The following GDNF variants were observed in gnomAD, a reference collection of about 807,000 sequenced individuals.
The protein encoded by GDNF is glial cell derived neurotrophic factor, also known as glial cell line-derived neurotrophic factor.
GDNF carries 5 observed loss-of-function variants against 13.7 expected under a neutral mutation model. The observed-to-expected ratio is 0.36, with a 90% CI of 0.19 to 0.77. The LOEUF is 0.77. Ranked by LOEUF, GDNF falls within the 30% of genes least tolerant of loss-of-function variation. The pLI is 0.51. For missense variants in GDNF, 246 were observed against 274.3 expected (o/e 0.90, Z 0.73); for synonymous variants, 122 against 112.5 (o/e 1.08, Z -0.53).
intron 2 of GDNF, chr5:37,823,172 C>T (rs1311498634): frequency 6.6e-6 from 1 of 152,194 alleles, no homozygotes; most frequent in Non-Finnish European, 1.5e-5. Context: ...TCAGAGAAGA[C>T]AAATATTTGG....
intron 2 of GDNF, chr5:37,824,071 C>G: frequency 3.1e-6 from 3 of 981,504 alleles, no homozygotes; most frequent in Non-Finnish European, 3.6e-6. Context: ...CTTAAATCAT[C>G]AAGTCATCTT....
chr5:37,828,664 C>T (rs1750416039), intron 2 of GDNF, among the ~76,000 whole-genome samples: 1 of 152,088 alleles, frequency 6.6e-6, no homozygotes, highest in Non-Finnish European at 1.5e-5. Context: ...GGTTTGTGAC[C>T]CGGAACAACT....
Position 37,815,680 on chromosome 5 carries a change from G to A in GDNF, c.607C>T (p.His203Tyr). 1 of 1,613,598 alleles carries A rather than the reference G, an allele frequency of 6.2e-7. No homozygotes were observed. Among genetic ancestry groups the A allele is most frequent in the Non-Finnish European group, 8.5e-7 (1 of 1,179,516 alleles). ...ATACATCCACACCTTTTAGCGGAATGCTTTCTTAGAATATGGTAAACCAGG... is the reference window on the plus strand; with the variant it reads ...ATACATCCACACCTTTTAGCGGAATACTTTCTTAGAATATGGTAAACCAGG... Reference protein sequence around the residue: ...DNLVYHILRKHSAKRCGCI With the variant: ...DNLVYHILRKYSAKRCGCI The change falls in exon 3 of 3, where the codon CAT (histidine) becomes TAT (tyrosine). Residue 203 changes from histidine to tyrosine, a missense_variant. By Grantham distance (83) the His-to-Tyr change is moderately conservative. Coordinates refer to ENST00000326524, the MANE Select transcript of GDNF (RefSeq NM_000514.4). This position sits in a 1 kb window ranked among gnomAD's most constrained non-coding sequence, Gnocchi z 5.0.
chr5:37,834,495 C>G, intron 2 of GDNF, 151 bp downstream of exon 2: 1 of 687,236 alleles, frequency 1.5e-6, no homozygotes, highest in Non-Finnish European at 2.3e-6. Context: ...AGCCAGGCAC[C>G]CCTGGGGGCT....
chr5:37,827,318 T>A (rs1022941799), intron 2 of GDNF, among the ~76,000 whole-genome samples: 1 of 152,222 alleles, frequency 6.6e-6, no homozygotes, highest in South Asian at 2.1e-4. Context: ...TTCCTGAGAC[T>A]GATAACTGAA....
intron 2 of GDNF, among the ~76,000 whole-genome samples, chr5:37,825,075 T>C (rs1205222629): frequency 6.6e-6 from 1 of 152,216 alleles, no homozygotes; most frequent in Non-Finnish European, 1.5e-5. Context: ...AAAGCCACTT[T>C]GCCCATCAAA....
chr5:37,815,503 T>TCCC lies in GDNF; in HGVS notation c.*147_*148insGGG. 1 of 731,920 alleles carries TCCC rather than the reference T, an allele frequency of 1.4e-6. No individual in the cohort carries two copies. 45.3% of individuals were successfully genotyped at this position (731,920 alleles called of 1,614,324 possible). ...ATGGCTGCCTTCCTCCTCCTCCTCC[T>TCCC]CCTCCTCCTCCTCCTCCTCTTCTTC... On this transcript the variant is annotated 3_prime_UTR_variant, in exon 3 of 3. Coordinates refer to ENST00000326524, the MANE Select transcript of GDNF (RefSeq NM_000514.4). This position sits in a 1 kb window ranked among gnomAD's most constrained non-coding sequence, Gnocchi z 5.0.
chr5:37,827,853 T>C (rs1750383298), intron 2 of GDNF, among the ~76,000 whole-genome samples: 3 of 152,248 alleles, frequency 2.0e-5, no homozygotes, highest in Non-Finnish European at 4.4e-5. Context: ...CTGAAAGGGC[T>C]AGAAATGACA....
chr5:37,834,814 C>A lies in GDNF; in HGVS notation c.-18G>T, dbSNP rs752125741. On this transcript the variant is annotated 5_prime_UTR_variant, in exon 2 of 3. Transcript: ENST00000326524. The stretch of plus-strand genomic sequence containing the variant: ...AACTTCATCTTAAAGTCCCGTCCGG[C>A]GGCGGCACCTGCGCGGGCAGGCGGG... The A allele has an allele frequency of 1.9e-6, 3 of 1,612,406 alleles. No individual in the cohort carries two copies. The highest frequency in any genetic ancestry group is 1.7e-5 in the Admixed American group (1 of 59,960).
At chr5:37,816,561 T>C (rs1445553279) in intron 2 of GDNF, among the ~76,000 whole-genome samples, 1 of 152,204 alleles carries the variant, frequency 6.6e-6, no homozygotes, top group Admixed American at 6.5e-5. Context: ...TGCAGATTCT[T>C]GGCCCTACCC....
At chr5:37,835,622 T>C (rs1211252709) in intron 1 of GDNF, 4 of 1,547,538 alleles carry the variant, frequency 2.6e-6, no homozygotes, top group South Asian at 1.2e-5. Context: ...AAGAGCTCAG[T>C]AAATGCTTTA....
chr5:37,833,743 T>C (rs1008395738), intron 2 of GDNF, among the ~76,000 whole-genome samples: 23 of 152,146 alleles, frequency 1.5e-4, no homozygotes, highest in African/African-American at 5.6e-4. Context: ...CTGCTTTATT[T>C]TGGGGTTGTG....
At position 37,816,135 on chromosome 5, in the gene GDNF, G is replaced by C; in HGVS notation, c.152C>G (p.Ser51Ter). 6.2e-7 allele frequency: 1 copy of C among 1,613,554 alleles called. No homozygotes were observed. The highest frequency in any genetic ancestry group is 8.5e-7 in the Non-Finnish European group (1 of 1,179,556). Residue 51 changes from serine (S) to a stop codon, truncating the protein, a stop_gained and splice_region_variant, in exon 3 of 3, where the codon TCA becomes TGA. Transcript: ENST00000326524. LOFTEE classifies it high-confidence loss of function. ...RRAPFALSSDSNMPEDYPDQF... is the reference protein window; with the variant it reads ...RRAPFALSSD Reference sequence around the variant, plus strand: ...ATCAGGATAATCCTCTGGCATATTTGCTGTTCAAAAAGAAAAGAGAAAATG... The same window carrying C: ...ATCAGGATAATCCTCTGGCATATTTCCTGTTCAAAAAGAAAAGAGAAAATG...
At position 37,839,189 on chromosome 5, in the gene GDNF, C is replaced by A. The variant is rs1750812191; in HGVS notation, c.-27+318G>T. 6.6e-6 allele frequency among the ~76,000 whole-genome samples: 1 copy of A among 152,306 alleles called. No individual in the cohort carries two copies. Among genetic ancestry groups the A allele is most frequent in the South Asian group, 2.1e-4 (1 of 4,812 alleles). ...AGCCCTGAATCGTTCTGTGACTTGA[C>A]GGAAGAGCACCTGGCCGAGTCGGGG... On this transcript the variant is annotated intron_variant, in intron 1 of 2. Coordinates refer to ENST00000326524, the MANE Select transcript of GDNF (RefSeq NM_000514.4). This position sits in a 1 kb window ranked among gnomAD's most constrained non-coding sequence, Gnocchi z 5.5.
At position 37,837,126 on chromosome 5, in the gene GDNF, G is replaced by C. The variant is rs1750734562; in HGVS notation, c.-26-2304C>G. 6.6e-6 allele frequency among the ~76,000 whole-genome samples: 1 copy of C among 152,182 alleles called. No individual in the cohort carries two copies. Among genetic ancestry groups the C allele is most frequent in the African/African-American group, 2.4e-5 (1 of 41,458 alleles). On this transcript the variant is annotated intron_variant, in intron 1 of 2. Coordinates refer to ENST00000326524, the MANE Select transcript of GDNF (RefSeq NM_000514.4). This position sits in a 1 kb window ranked among gnomAD's most constrained non-coding sequence, Gnocchi z 6.5. ...GCGGGGGAAAAGGGGGGAGGTTGGG[G>C]GACTCGGCACACACAGCGTCTACTA... is the stretch of plus-strand genomic sequence containing the variant.
Position 37,839,252 on chromosome 5 carries a change from G to A in GDNF, c.-27+255C>T, listed in dbSNP as rs753257811. Among the ~76,000 whole-genome samples the A allele has an allele frequency of 1.1e-4, 17 of 152,194 alleles. No individual in the cohort carries two copies. Among genetic ancestry groups the A allele is most frequent in the Non-Finnish European group, 4.4e-5 (3 of 68,046 alleles). ...CCTCTTGGGCATTCCGGGTCCAGGC[G>A]CATCTGGGGCTCCACAGATCTTTGC... On this transcript the variant is annotated intron_variant, in intron 1 of 2. Transcript: ENST00000326524. This position sits in a 1 kb window ranked among gnomAD's most constrained non-coding sequence, Gnocchi z 5.5.
chr5:37,835,490 T>C, intron 1 of GDNF: 1 of 1,492,922 alleles, frequency 6.7e-7, no homozygotes, highest in South Asian at 1.3e-5. Context: ...TTGGCCTGTA[T>C]GGGATATCTG....
chr5:37,828,703 A>G (rs980214317), intron 2 of GDNF, among the ~76,000 whole-genome samples: 8 of 152,348 alleles, frequency 5.3e-5, no homozygotes, highest in Middle Eastern at 3.4e-3. Context: ...CACCTGTAAA[A>G]TGGGGATAAT....
intron 2 of GDNF, among the ~76,000 whole-genome samples, chr5:37,826,412 A>T (rs1750314251): frequency 6.6e-6 from 1 of 152,192 alleles, no homozygotes; most frequent in Non-Finnish European, 1.5e-5. Flanking sequence ...GGGGATCCAG[A>T]CACTGGTCCC....
Sources: gnomAD v4.1 joint callset for allele counts (sites outside exome capture counted in the v4.1 genomes callset) on GRCh38, gnomAD v4.1.1 for gene constraint, Gnocchi (gnomAD v3.1) non-coding constraint, MANE v1.5 for transcripts, NCBI Gene and HGNC (gene_info 2026-07-23, HGNC 2026-07-21) for gene names.